The following THRAP3 variants were observed in gnomAD, a reference collection of about 807,000 sequenced individuals.
THRAP3 encodes thyroid hormone receptor associated protein 3, also known as thyroid hormone receptor-associated protein 3.
In THRAP3, 16 loss-of-function variants were observed where a neutral mutation model predicts 101.0. That is an observed-to-expected ratio of 0.16 (90% confidence interval 0.11 to 0.24). The LOEUF (loss-of-function observed/expected upper bound fraction) is 0.24. Ranked by LOEUF, THRAP3 falls within the 10% of genes least tolerant of loss-of-function variation. The pLI is 1.00. For missense variants in THRAP3, 989 were observed against 1,202.7 expected (o/e 0.82, Z 2.63); for synonymous variants, 407 against 422.6 (o/e 0.96, Z 0.45).
intron 1 of THRAP3, among the ~76,000 whole-genome samples, chr1:36,238,728 CA>C (rs1423429982): frequency 6.6e-5 from 10 of 151,968 alleles, no homozygotes; most frequent in African/African-American, 2.4e-4. Context: ...TTTTTGGAGA[CA>C]AGGTCTTATT....
At chr1:36,283,079 TTAA>T (rs1194061175) in intron 3 of THRAP3, among the ~76,000 whole-genome samples, 4 of 152,348 alleles carry the variant, frequency 2.6e-5, no homozygotes, top group South Asian at 4.1e-4. Context: ...GCTAAGAGGA[TTAA>T]TAATATGAAC....
rs145268268 is a variant in THRAP3 at position 36,225,670 on chromosome 1, G to A, written c.-135+1165G>A. ...TTTTTTCGTTTGTGGAAGTACTGTTGTAGTCTGTTCTGTAATTCTAGACAG... is the reference window on the plus strand; with the variant it reads ...TTTTTTCGTTTGTGGAAGTACTGTTATAGTCTGTTCTGTAATTCTAGACAG... On this transcript the variant is annotated intron_variant, in intron 1 of 11. Transcript: ENST00000354618. Among the ~76,000 whole-genome samples, 134 of 151,942 alleles carry A rather than the reference G, an allele frequency of 8.8e-4. 1 individual carries two copies. Among genetic ancestry groups the A allele is most frequent in the African/African-American group, 3.0e-3 (125 of 41,404 alleles).
At chr1:36,214,720 A>C in the THRAP3 span, among the ~76,000 whole-genome samples, 1 of 151,980 alleles carries the variant, frequency 6.6e-6, no homozygotes, top group East Asian at 1.9e-4. Context: ...TTAGCCGAGC[A>C]TGGTGGCACA....
rs754334875 is a variant in THRAP3 at position 36,296,719 on chromosome 1, A to G, written c.2252A>G (p.Glu751Gly). ...VDSRDSSHSRERSAEKTEKTH... is the reference protein window; with the variant it reads ...VDSRDSSHSRGRSAEKTEKTH... Reference sequence around the variant, plus strand: ...TCCCGAGACTCCAGTCACTCAAGGGAAAGGTCAGCTGAAAAAACAGAGAAA... The same window carrying G: ...TCCCGAGACTCCAGTCACTCAAGGGGAAGGTCAGCTGAAAAAACAGAGAAA... Residue 751 changes from glutamate to glycine, a missense_variant, in exon 9 of 12, where the codon GAA becomes GGA. Transcript: ENST00000354618. 2 of 1,607,310 alleles carry G rather than the reference A, an allele frequency of 1.2e-6. No individual in the cohort carries two copies. Among genetic ancestry groups the G allele is most frequent in the Non-Finnish European group, 1.7e-6 (2 of 1,178,454 alleles).
At chr1:36,290,425 G>C (rs1161590008) in intron 5 of THRAP3, among the ~76,000 whole-genome samples, 1 of 151,510 alleles carries the variant, frequency 6.6e-6, no homozygotes, top group African/African-American at 2.4e-5. Flanking sequence ...TCCTGACCTC[G>C]TGATCCGCCC....
chr1:36,238,925 A>C (rs1645122505), intron 1 of THRAP3, among the ~76,000 whole-genome samples: 1 of 151,132 alleles, frequency 6.6e-6, no homozygotes, highest in African/African-American at 2.4e-5. Context: ...TTCTTTCTTT[A>C]TTGTTTAATT....
intron 7 of THRAP3, 125 bp from the exon 8 acceptor site, chr1:36,293,726 C>A: frequency 1.7e-5 from 10 of 596,946 alleles, no homozygotes; most frequent in Admixed American, 5.3e-5. Context: ...GTAATAGATA[C>A]ATAAGTCATG....
chr1:36,286,515 A>T lies in THRAP3; in HGVS notation c.285A>T (p.Pro95=). The part of the protein sequence containing the change: ...YFRGRNRGFY[P]WGQYNRGGYG... ...GTGGGCGTAACAGAGGCTTTTATCC[A>T]TGGGGCCAATATAACCGAGGAGGCT... is the stretch of plus-strand genomic sequence containing the variant. Residue 95 remains proline, a synonymous_variant, in exon 4 of 12, where the codon CCA becomes CCT. Coordinates refer to ENST00000354618, the MANE Select transcript of THRAP3 (RefSeq NM_005119.4). This position sits in a 1 kb window ranked among gnomAD's most constrained non-coding sequence, Gnocchi z 5.5. 1 of 1,614,150 alleles carries T rather than the reference A, an allele frequency of 6.2e-7. No individual in the cohort carries two copies. The highest frequency in any genetic ancestry group is 8.5e-7 in the Non-Finnish European group (1 of 1,180,036).
At chr1:36,255,714 A>G (rs1457190905) in intron 1 of THRAP3, among the ~76,000 whole-genome samples, 1 of 150,850 alleles carries the variant, frequency 6.6e-6, no homozygotes, top group East Asian at 2.0e-4. Flanking sequence ...CGGAGGTTGC[A>G]GTGAGCTGAG....
chr1:36,219,081 T>A, the THRAP3 span, among the ~76,000 whole-genome samples: 1 of 149,512 alleles, frequency 6.7e-6, no homozygotes, highest in East Asian at 1.9e-4. Flanking sequence ...ATAAATGAAT[T>A]TGATAAGAAG....
chr1:36,299,367 A>AGGT (rs994200947), intron 9 of THRAP3, among the ~76,000 whole-genome samples: 1 of 151,698 alleles, frequency 6.6e-6, no homozygotes, highest in Non-Finnish European at 1.5e-5. Flanking sequence ...TAAACCCAGG[A>AGGT]GGTGGAGGTT....
chr1:36,301,343 T>C (rs758351000), intron 10 of THRAP3, among the ~76,000 whole-genome samples: 1 of 152,212 alleles, frequency 6.6e-6, no homozygotes, highest in Non-Finnish European at 1.5e-5. Context: ...CTGCTGTTTA[T>C]AGGGAGGCCC....
intron 1 of THRAP3, among the ~76,000 whole-genome samples, chr1:36,246,844 A>G (rs928661447): frequency 2.0e-5 from 3 of 150,310 alleles, no homozygotes; most frequent in African/African-American, 4.9e-5. Flanking sequence ...TCTGTCTCAA[A>G]TAAATAAATA....
At chr1:36,274,404 G>A (rs1480145524) in intron 2 of THRAP3, among the ~76,000 whole-genome samples, 1 of 152,096 alleles carries the variant, frequency 6.6e-6, no homozygotes, top group Non-Finnish European at 1.5e-5. Context: ...TCTTTTTGCA[G>A]AAATTGGCAT....
At chr1:36,243,420 A>C (rs1310127856) in intron 1 of THRAP3, among the ~76,000 whole-genome samples, 1 of 151,852 alleles carries the variant, frequency 6.6e-6, no homozygotes, top group Non-Finnish European at 1.5e-5. Context: ...TGCTGCCTTC[A>C]AGCATCTGTT....
chr1:36,245,311 C>A (rs916240460), intron 1 of THRAP3, among the ~76,000 whole-genome samples: 3 of 151,836 alleles, frequency 2.0e-5, no homozygotes, highest in African/African-American at 7.3e-5. Flanking sequence ...GGATTACAGG[C>A]CTGCGCCATC....
At chr1:36,271,591 C>CTTTT (rs34782789) in intron 2 of THRAP3, among the ~76,000 whole-genome samples, 37 of 59,996 alleles carry the variant, frequency 6.2e-4, no homozygotes, top group East Asian at 1.2e-3. Context: ...TTTTTCTTAT[C>CTTTT]TTTTTTTTTT....
At chr1:36,244,573 C>A (rs752944017) in intron 1 of THRAP3, among the ~76,000 whole-genome samples, 7 of 152,188 alleles carry the variant, frequency 4.6e-5, no homozygotes, top group Non-Finnish European at 1.0e-4. Context: ...CTCTTCGTCA[C>A]TTCTACGTCT....
the THRAP3 span, among the ~76,000 whole-genome samples, chr1:36,214,179 C>T: frequency 6.6e-6 from 1 of 152,324 alleles, no homozygotes; most frequent in South Asian, 2.1e-4. Context: ...AAAGAACAAA[C>T]TAGTTGTTGC....
Sources: gnomAD v4.1 joint callset for allele counts (sites outside exome capture counted in the v4.1 genomes callset) on GRCh38, gnomAD v4.1.1 for gene constraint, Gnocchi (gnomAD v3.1) non-coding constraint, MANE v1.5 for transcripts, NCBI Gene and HGNC (gene_info 2026-07-23, HGNC 2026-07-21) for gene names.